Variants in RANBP2 observed in about 807,000 individuals in gnomAD.
The protein encoded by RANBP2 is E3 SUMO-protein ligase RanBP2.
In RANBP2, 57 loss-of-function variants were observed where a neutral mutation model predicts 303.6. That is an observed-to-expected ratio of 0.19 (90% CI 0.15 to 0.23). The LOEUF (loss-of-function observed/expected upper bound fraction) is 0.23, where lower values mean the gene tolerates loss of function less well. RANBP2 is among the 10% of genes least tolerant of loss of function. The pLI, the probability that RANBP2 is intolerant of heterozygous loss-of-function variation, is 1.00. For missense variants in RANBP2, 3,138 were observed against 3,780.8 expected (o/e 0.83, Z 4.46); for synonymous variants, 1,167 against 1,301.5 (o/e 0.90, Z 2.23).
the RANBP2 span, among the ~76,000 whole-genome samples, chr2:109,118,608 T>C: frequency 6.6e-6 from 1 of 151,400 alleles, no homozygotes; most frequent in African/African-American, 2.4e-5. Flanking sequence ...ATCTGTTTTT[T>C]GGGTCAGGGT....
intron 1 of RANBP2, among the ~76,000 whole-genome samples, chr2:108,727,603 A>ATTTT (rs34554578): frequency 8.0e-4 from 96 of 119,732 alleles, no homozygotes; most frequent in African/African-American, 3.4e-3. Flanking sequence ...TTGTATCAGC[A>ATTTT]TTTTTTTTTT....
the RANBP2 span, among the ~76,000 whole-genome samples, chr2:109,230,649 A>G: frequency 0.013 from 1,938 of 152,346 alleles, 20 homozygotes; most frequent in South Asian, 0.024. Flanking sequence ...TGGTGGGGTT[A>G]TGTCCTGATA....
At chr2:109,236,241 C>T in the RANBP2 span, among the ~76,000 whole-genome samples, 1 of 152,174 alleles carries the variant, frequency 6.6e-6, no homozygotes, top group Non-Finnish European at 1.5e-5. Flanking sequence ...TGCCTTTGGA[C>T]CTCTTATTAA....
chr2:109,366,910 T>C, the RANBP2 span, among the ~76,000 whole-genome samples: 1 of 152,184 alleles, frequency 6.6e-6, no homozygotes, highest in Non-Finnish European at 1.5e-5. Context: ...TTGTGGAAGG[T>C]AAGCTGAAAT....
the RANBP2 span, among the ~76,000 whole-genome samples, chr2:109,714,431 A>G: frequency 6.7e-6 from 1 of 148,622 alleles, no homozygotes; most frequent in African/African-American, 2.5e-5. Flanking sequence ...CCTCCTGAGT[A>G]GCTGGGACTA....
chr2:109,371,896 A>G, the RANBP2 span, among the ~76,000 whole-genome samples: 2 of 152,322 alleles, frequency 1.3e-5, no homozygotes, highest in African/African-American at 4.8e-5. Flanking sequence ...GGCTGGTCCC[A>G]GGCCTGGCTG....
chr2:109,430,641 ATTT>A, the RANBP2 span, among the ~76,000 whole-genome samples: 1 of 151,694 alleles, frequency 6.6e-6, no homozygotes, highest in African/African-American at 2.4e-5. Context: ...GTTGTTTGTC[ATTT>A]TCACTGGACT....
At chr2:109,748,476 A>G in the RANBP2 span, among the ~76,000 whole-genome samples, 1 of 78,118 alleles carries the variant, frequency 1.3e-5, no homozygotes, top group Middle Eastern at 4.6e-3. Context: ...CCTTACCTTT[A>G]AAAGAGTATT....
chr2:109,499,076 C>T, the RANBP2 span, among the ~76,000 whole-genome samples: 2 of 152,176 alleles, frequency 1.3e-5, no homozygotes, highest in Admixed American at 6.5e-5. Flanking sequence ...AAAGGAGCCT[C>T]AGCTGTGAGG....
the RANBP2 span, among the ~76,000 whole-genome samples, chr2:109,595,836 C>G: frequency 6.6e-6 from 1 of 152,156 alleles, no homozygotes; most frequent in African/African-American, 2.4e-5. Context: ...TAATATCTGG[C>G]TAGGGGCCCT....
the RANBP2 span, among the ~76,000 whole-genome samples, chr2:109,169,407 T>C: frequency 2.2e-3 from 332 of 152,226 alleles, 1 homozygote; most frequent in African/African-American, 7.5e-3. Context: ...TGGCTGATGA[T>C]GCTGTGCTGG....
the RANBP2 span, among the ~76,000 whole-genome samples, chr2:108,875,507 GA>G: frequency 3.3e-5 from 5 of 150,354 alleles, no homozygotes; most frequent in African/African-American, 7.3e-5. Flanking sequence ...TGCTAGCTGT[GA>G]AAAAAAAAAT....
At chr2:109,144,738 GC>G in the RANBP2 span, among the ~76,000 whole-genome samples, 1 of 152,260 alleles carries the variant, frequency 6.6e-6, no homozygotes, top group East Asian at 1.9e-4. Context: ...GGTGATGCAT[GC>G]CTGGCAGGGG....
the RANBP2 span, chr2:108,906,381 G>C: frequency 8.1e-6 from 13 of 1,614,020 alleles, 1 homozygote; most frequent in South Asian, 1.2e-4. Context: ...GTGAAAAAGA[G>C]TCGAGAATTT....
chr2:109,365,855 C>T, the RANBP2 span, among the ~76,000 whole-genome samples: 1 of 151,982 alleles, frequency 6.6e-6, no homozygotes, highest in South Asian at 2.1e-4. Context: ...TGTTAAATTG[C>T]CTGGAAATCA....
chr2:108,835,502 A>G, the RANBP2 span, among the ~76,000 whole-genome samples: 1 of 152,226 alleles, frequency 6.6e-6, no homozygotes, highest in Admixed American at 6.5e-5. Context: ...ATGATAACAC[A>G]TGATATATTC....
the RANBP2 span, among the ~76,000 whole-genome samples, chr2:109,021,174 G>GT: frequency 2.6e-5 from 4 of 152,198 alleles, no homozygotes; most frequent in African/African-American, 9.7e-5. Flanking sequence ...TGGCACATTG[G>GT]TTAGTGCTCA....
chr2:109,414,372 T>A, the RANBP2 span, among the ~76,000 whole-genome samples: 1 of 152,200 alleles, frequency 6.6e-6, no homozygotes, highest in South Asian at 2.1e-4. Flanking sequence ...CTCCACTGCT[T>A]GATTTCTATA....
chr2:109,603,615 A>C, the RANBP2 span, among the ~76,000 whole-genome samples: 2 of 152,182 alleles, frequency 1.3e-5, no homozygotes, highest in African/African-American at 4.8e-5. Context: ...GAAGCTGTAT[A>C]AATCAATATC....
Sources: gnomAD v4.1 joint callset for allele counts (sites outside exome capture counted in the v4.1 genomes callset) on GRCh38, gnomAD v4.1.1 for gene constraint, MANE v1.5 for transcripts, NCBI Gene and HGNC (gene_info 2026-07-23, HGNC 2026-07-21) for gene names.